Variants in DOCK10 observed in about 807,000 individuals in gnomAD.
DOCK10 encodes the protein dedicator of cytokinesis protein 10.
Under a neutral mutation model 280.1 loss-of-function variants are expected in DOCK10, and 145 were observed. That is an observed-to-expected ratio of 0.52 (90% confidence interval 0.45 to 0.59). DOCK10 has a LOEUF of 0.59. Ranked by LOEUF, DOCK10 falls within the 20% of genes least tolerant of loss-of-function variation. The pLI, the probability that DOCK10 is intolerant of heterozygous loss-of-function variation, is 0.00. For missense variants in DOCK10, 2,368 were observed against 2,651.7 expected (o/e 0.89, Z 2.35); for synonymous variants, 915 against 942.2 (o/e 0.97, Z 0.53).
chr2:224,988,292 C>A (rs912150974), intron 1 of DOCK10, among the ~76,000 whole-genome samples: 3 of 152,154 alleles, frequency 2.0e-5, no homozygotes, highest in Non-Finnish European at 1.5e-5. Context: ...AAATTGTCTT[C>A]CCTCTCTGTA....
At chr2:224,837,537 T>G (rs6738938) in intron 25 of DOCK10, among the ~76,000 whole-genome samples, 26,120 of 152,190 alleles carry the variant, frequency 0.17, 3,299 homozygotes, top group African/African-American at 0.36. Flanking sequence ...TCTCCCCATT[T>G]AATTATTTAT....
chr2:225,014,160 CA>C (rs1364371264), intron 1 of DOCK10, among the ~76,000 whole-genome samples: 2 of 141,508 alleles, frequency 1.4e-5, no homozygotes, highest in Non-Finnish European at 3.0e-5. Flanking sequence ...TTAGCTGAAT[CA>C]AAAGTCCCCA....
At chr2:225,027,749 T>G (rs961394777) in intron 1 of DOCK10, among the ~76,000 whole-genome samples, 6 of 152,182 alleles carry the variant, frequency 3.9e-5, no homozygotes, top group African/African-American at 1.4e-4. Flanking sequence ...GAACTGTATG[T>G]GAGCCAATTA....
chr2:224,810,868 T>C (rs1693725579), intron 31 of DOCK10, among the ~76,000 whole-genome samples: 1 of 152,124 alleles, frequency 6.6e-6, no homozygotes, highest in African/African-American at 2.4e-5. Context: ...CCACATTTTC[T>C]TAATCCAGTC....
rs777855218 is a variant in DOCK10 at position 224,893,723 on chromosome 2, CT to C, written c.416+2571del. 5.8e-3 allele frequency: 2,209 copies of C among 378,514 alleles called. 17 individuals carry two copies. The highest frequency in any genetic ancestry group is 0.028 in the African/African-American group (1,294 of 45,416). 23.4% of individuals were successfully genotyped at this position (378,514 alleles called of 1,614,324 possible). On this transcript the variant is annotated intron_variant, in intron 4 of 55. Coordinates refer to ENST00000258390, the MANE Select transcript of DOCK10 (RefSeq NM_014689.3). ...TTTAAATTTAAAGAATAAATTTCAC[CT>C]TTTTTTTTGCTTTTCTATAATTGCA...
intron 37 of DOCK10, 73 bp downstream of exon 37, chr2:224,804,985 A>G: frequency 7.2e-7 from 1 of 1,383,974 alleles, no homozygotes. Context: ...GGGTTCTTGA[A>G]ATGAAACATG....
At chr2:224,936,374 G>T (rs906652862) in intron 1 of DOCK10, among the ~76,000 whole-genome samples, 1 of 152,092 alleles carries the variant, frequency 6.6e-6, no homozygotes, top group Non-Finnish European at 1.5e-5. Flanking sequence ...CGCTACCTCA[G>T]AAGGAAAGAG....
chr2:224,978,226 A>G (rs570566918), intron 1 of DOCK10, among the ~76,000 whole-genome samples: 1 of 152,266 alleles, frequency 6.6e-6, no homozygotes, highest in South Asian at 2.1e-4. Context: ...CGAGGTCAGG[A>G]GTTCGAGACC....
At chr2:224,916,843 G>T in intron 2 of DOCK10, 59 bp from the exon 3 acceptor site, 1 of 1,300,602 alleles carries the variant, frequency 7.7e-7, no homozygotes. Context: ...GAGCAGACCA[G>T]CACACTGAAC....
chr2:224,878,681 G>T (rs1698787809), intron 7 of DOCK10, among the ~76,000 whole-genome samples: 1 of 152,258 alleles, frequency 6.6e-6, no homozygotes, highest in African/African-American at 2.4e-5. Flanking sequence ...GCTAACTATG[G>T]TTCTCATGTG....
At chr2:224,822,636 C>T (rs756002506) in intron 28 of DOCK10, among the ~76,000 whole-genome samples, 10 of 152,000 alleles carry the variant, frequency 6.6e-5, no homozygotes, top group Non-Finnish European at 1.2e-4. Flanking sequence ...CGCCTGAGCC[C>T]AGGGAGGTTG....
rs1216574103 is a variant in DOCK10, at chr2:224,970,459, T to G, written c.124-38791A>C. Reference sequence around the variant, plus strand: ...ACAAGCCTGATATCAATACCCAGATTTTGTCATTATATGATTCTGTTTCTG... The same window carrying G: ...ACAAGCCTGATATCAATACCCAGATGTTGTCATTATATGATTCTGTTTCTG... On this transcript the variant is annotated intron_variant, in intron 1 of 55. Coordinates refer to ENST00000258390, the MANE Select transcript of DOCK10 (RefSeq NM_014689.3). The surrounding 1 kb of genome is among the most constrained non-coding windows in gnomAD (Gnocchi z 4.6). Among the ~76,000 whole-genome samples the G allele has an allele frequency of 6.6e-6, 1 of 152,132 alleles. No individual in the cohort carries two copies. Among genetic ancestry groups the G allele is most frequent in the African/African-American group, 2.4e-5 (1 of 41,434 alleles).
At chr2:225,028,238 A>AG (rs1180935075) in intron 1 of DOCK10, among the ~76,000 whole-genome samples, 2 of 152,156 alleles carry the variant, frequency 1.3e-5, no homozygotes, top group African/African-American at 2.4e-5. Context: ...CGTGGGTCCG[A>AG]GGGGCGCAAC....
intron 14 of DOCK10, among the ~76,000 whole-genome samples, chr2:224,859,086 G>A (rs1697337238): frequency 6.6e-6 from 1 of 152,178 alleles, no homozygotes; most frequent in Admixed American, 6.5e-5. Flanking sequence ...ACAGACAGAA[G>A]GAAGCACTGT....
chr2:225,021,134 A>G (rs1371737527), intron 1 of DOCK10, among the ~76,000 whole-genome samples: 1 of 152,230 alleles, frequency 6.6e-6, no homozygotes, highest in African/African-American at 2.4e-5. Context: ...TCCCTTATCC[A>G]AAACCACATT....
At chr2:224,873,099 A>T (rs1423821321) in intron 11 of DOCK10, among the ~76,000 whole-genome samples, 1 of 152,174 alleles carries the variant, frequency 6.6e-6, no homozygotes, top group East Asian at 1.9e-4. Context: ...GTCATTTCTG[A>T]TATTTACATG....
intron 1 of DOCK10, among the ~76,000 whole-genome samples, chr2:225,021,646 C>G (rs1385648843): frequency 6.6e-6 from 1 of 152,104 alleles, no homozygotes; most frequent in African/African-American, 2.4e-5. Context: ...GTTTTTAGCC[C>G]TTTTGGATTT....
At chr2:224,903,119 C>G (rs1381216739) in intron 3 of DOCK10, among the ~76,000 whole-genome samples, 1 of 152,028 alleles carries the variant, frequency 6.6e-6, no homozygotes, top group South Asian at 2.1e-4. Context: ...ACAAAACAAA[C>G]AAACAAACAA....
chr2:224,845,684 T>A, intron 19 of DOCK10, 42 bp from the exon 20 acceptor site: 2 of 1,579,390 alleles, frequency 1.3e-6, no homozygotes, highest in Non-Finnish European at 1.7e-6. Flanking sequence ...ATTAAAATCA[T>A]TTGCTCAATA....
Sources: gnomAD v4.1 joint callset for allele counts (sites outside exome capture counted in the v4.1 genomes callset) on GRCh38, gnomAD v4.1.1 for gene constraint, Gnocchi (gnomAD v3.1) non-coding constraint, MANE v1.5 for transcripts, NCBI Gene and HGNC (gene_info 2026-07-23, HGNC 2026-07-21) for gene names.